Variants in RPS6KA1 observed in about 807,000 individuals in gnomAD.
RPS6KA1 encodes ribosomal protein S6 kinase alpha-1.
RPS6KA1 carries 48 observed loss-of-function variants against 91.3 expected under a neutral mutation model. That is an observed-to-expected ratio of 0.53 (90% CI 0.42 to 0.67). RPS6KA1 has a LOEUF of 0.67. Among genes scored for constraint, RPS6KA1 ranks in the 30% least tolerant of loss-of-function variants. RPS6KA1 has a pLI of 0.00. For synonymous variants in RPS6KA1, 359 were observed against 384.7 expected (o/e 0.93, Z 0.78); for missense variants, 719 against 960.5 (o/e 0.75, Z 3.32).
At chr1:26,550,565 T>C (rs1248426146) in intron 4 of RPS6KA1, among the ~76,000 whole-genome samples, 1 of 152,186 alleles carries the variant, frequency 6.6e-6, no homozygotes, top group Non-Finnish European at 1.5e-5. Context: ...GTGATCCTCC[T>C]GCCTCAGCCT....
At chr1:26,545,272 C>A (rs1255539732) in intron 2 of RPS6KA1, among the ~76,000 whole-genome samples, 1 of 151,588 alleles carries the variant, frequency 6.6e-6, no homozygotes, top group Non-Finnish European at 1.5e-5. Flanking sequence ...CAGGTTCATG[C>A]CATTCTCCTG....
chr1:26,563,326 C>G (rs1370135489), intron 17 of RPS6KA1, among the ~76,000 whole-genome samples: 1 of 151,994 alleles, frequency 6.6e-6, no homozygotes, highest in East Asian at 1.9e-4. Flanking sequence ...TCCTTGCGCT[C>G]AAATGATCCT....
rs754502526 is a variant in RPS6KA1, at chr1:26,553,430, G to A, written c.508G>A (p.Glu170Lys). Reference sequence around the variant, plus strand: ...GGAGGATGTGAAGTTTTACCTGGCTGAGCTGGCTCTGGGCCTGGATCACCT... The same window carrying A: ...GGAGGATGTGAAGTTTTACCTGGCTAAGCTGGCTCTGGGCCTGGATCACCT... ...TEEDVKFYLA[E>K]LALGLDHLHS... Residue 170 changes from glutamate (E) to lysine (K), a missense_variant, in exon 7 of 22, where the codon GAG (glutamate) becomes AAG (lysine). Glu to Lys is a moderately conservative substitution (Grantham distance 56, BLOSUM62 1). This residue lies in a region of RPS6KA1 where 159 missense variants were observed against 264.5 expected (regional missense o/e 0.60). Transcript: ENST00000374168. 3.1e-6 allele frequency: 5 copies of A among 1,612,960 alleles called. No individual in the cohort carries two copies. The highest frequency in any genetic ancestry group is 2.2e-5 in the East Asian group (1 of 44,846).
intron 17 of RPS6KA1, among the ~76,000 whole-genome samples, chr1:26,570,159 T>C (rs770202847): frequency 5.3e-5 from 8 of 151,968 alleles, no homozygotes; most frequent in Non-Finnish European, 8.8e-5. Flanking sequence ...TGAGAGGTAT[T>C]GGTAGTTGAT....
chr1:26,561,222 T>A lies in RPS6KA1; in HGVS notation c.1431+88T>A. On this transcript the variant is annotated intron_variant, in intron 16 of 21. Coordinates refer to ENST00000374168, the MANE Select transcript of RPS6KA1 (RefSeq NM_002953.4). This position sits in a 1 kb window ranked among gnomAD's most constrained non-coding sequence, Gnocchi z 5.7. ...GGATTGCCATTCCTTTGACTTCTCA[T>A]CCTCTTTCCAGTGGTCATGTGGAGG... 5 of 1,285,686 alleles carry A rather than the reference T, an allele frequency of 3.9e-6. No individual in the cohort carries two copies. Among genetic ancestry groups the A allele is most frequent in the Non-Finnish European group, 5.6e-6 (5 of 897,006 alleles). The allele number at this position is 1,285,686 out of a possible 1,614,324, so 79.6% of individuals were successfully genotyped here.
chr1:26,553,900 T>G, intron 7 of RPS6KA1: 1 of 320,408 alleles, frequency 3.1e-6, no homozygotes, highest in Non-Finnish European at 5.8e-6. Context: ...ATTCAAATCC[T>G]GTCTCCACCT....
At chr1:26,564,403 C>T (rs190266581) in intron 17 of RPS6KA1, among the ~76,000 whole-genome samples, 4 of 152,224 alleles carry the variant, frequency 2.6e-5, no homozygotes, top group Admixed American at 2.6e-4. Flanking sequence ...GGACTACAGG[C>T]GCACACCGCC....
chr1:26,569,738 C>T (rs957799719), intron 17 of RPS6KA1, among the ~76,000 whole-genome samples: 3 of 152,244 alleles, frequency 2.0e-5, no homozygotes, highest in Non-Finnish European at 4.4e-5. Flanking sequence ...ACAAAGTTCA[C>T]TTAGCATTTG....
Position 26,554,336 on chromosome 1 carries a change from AT to A in RPS6KA1, c.613+87del, listed in dbSNP as rs1031695651. On this transcript the variant is annotated intron_variant, in intron 8 of 21. Coordinates refer to ENST00000374168, the MANE Select transcript of RPS6KA1 (RefSeq NM_002953.4). The surrounding 1 kb of genome is among the most constrained non-coding windows in gnomAD (Gnocchi z 4.6). ...GGTCTCGGCTGAGTGCTGGGGGCTC[AT>A]TCTTCCCGAGAAGCCGTGCCAGTTA... is the stretch of plus-strand genomic sequence containing the variant. The A allele has an allele frequency of 7.2e-7, 1 of 1,394,128 alleles. No individual in the cohort carries two copies. Among genetic ancestry groups the A allele is most frequent in the Non-Finnish European group, 9.8e-7 (1 of 1,019,298 alleles). The allele number at this position is 1,394,128 out of a possible 1,614,324, so 86.4% of individuals were successfully genotyped here.
At position 26,573,202 on chromosome 1, in the gene RPS6KA1, C is replaced by G. The variant is rs200348817; in HGVS notation, c.1948-22C>G. 2.1e-4 allele frequency: 333 copies of G among 1,612,954 alleles called. No homozygotes were observed. The African/African-American group carries it at 4.0e-3, about 19-fold the overall frequency. ...GCTCCCCTGCAGCCCTCCCCCAACC[C>G]CCTTGCCCACTGTGTCCCCAGGACC... On this transcript the variant is annotated intron_variant, in intron 20 of 21. Transcript: ENST00000374168.
rs746752489 is a variant in RPS6KA1, at chr1:26,574,486, T to C, written c.*285T>C. 1.4e-5 allele frequency: 8 copies of C among 573,402 alleles called. 1 individual carries two copies. The highest frequency in any genetic ancestry group is 1.2e-4 in the South Asian group (8 of 67,066). The allele number at this position is 573,402 out of a possible 1,614,324, so 35.5% of individuals were successfully genotyped here. A position where few individuals can be genotyped will look rare whatever the true frequency, so the allele number is the denominator to read the frequency against. On this transcript the variant is annotated 3_prime_UTR_variant, in exon 22 of 22. Coordinates refer to ENST00000374168, the MANE Select transcript of RPS6KA1 (RefSeq NM_002953.4). The surrounding 1 kb of genome is among the most constrained non-coding windows in gnomAD (Gnocchi z 4.3). The stretch of plus-strand genomic sequence containing the variant: ...ACCATGGATTTTTACAAGATCCATT[T>C]GCCTTTCTGGGAGCAGAAACAGCCA...
Position 26,562,825 on chromosome 1 carries a change from C to CCTTTTTTTTT in RPS6KA1, c.1590+1162_1590+1163insCTTTTTTTTT. On this transcript the variant is annotated intron_variant, in intron 17 of 21. Transcript: ENST00000374168. Reference sequence around the variant, plus strand: ...ATAGACACATTTTTCTCCTATTGTCCTTTTTTTTTTTTTTTTTTTTTTTTT... The same window carrying CCTTTTTTTTT: ...ATAGACACATTTTTCTCCTATTGTCCCTTTTTTTTTTTTTTTTTTTTTTTTTTTTTTTTTT... Among the ~76,000 whole-genome samples the CCTTTTTTTTT allele has an allele frequency of 2.5e-5, 2 of 81,432 alleles. 1 individual carries two copies. Among genetic ancestry groups the CCTTTTTTTTT allele is most frequent in the Non-Finnish European group, 4.5e-5 (2 of 44,326 alleles). 53.4% of individuals were successfully genotyped at this position (81,432 alleles called of 152,430 possible).
At position 26,573,965 on chromosome 1, in the gene RPS6KA1, C is replaced by A. The variant is rs574317402; in HGVS notation, c.2086-114C>A. ...AAAAAAAAAAACAACAAAAACAAAACCAAAAAAAGTGGGCTGTGGAACACT... is the reference window on the plus strand; with the variant it reads ...AAAAAAAAAAACAACAAAAACAAAAACAAAAAAAGTGGGCTGTGGAACACT... On this transcript the variant is annotated intron_variant, in intron 21 of 21. Coordinates refer to ENST00000374168, the MANE Select transcript of RPS6KA1 (RefSeq NM_002953.4). 387 of 1,243,422 alleles carry A rather than the reference C, an allele frequency of 3.1e-4. 1 individual carries two copies. Among genetic ancestry groups the A allele is most frequent in the African/African-American group, 3.9e-4 (26 of 65,880 alleles). 77.0% of individuals were successfully genotyped at this position (1,243,422 alleles called of 1,614,324 possible).
At chr1:26,535,967 G>C (rs889005150) in intron 1 of RPS6KA1, among the ~76,000 whole-genome samples, 6 of 151,918 alleles carry the variant, frequency 3.9e-5, no homozygotes, top group African/African-American at 1.2e-4. Context: ...CCTGGCCAAC[G>C]TGGTGAAACC....
At chr1:26,541,366 G>C in intron 2 of RPS6KA1, among the ~76,000 whole-genome samples, 1 of 151,872 alleles carries the variant, frequency 6.6e-6, no homozygotes, top group East Asian at 1.9e-4. Context: ...ACCACCCTGG[G>C]CAACATGATG....
chr1:26,545,861 C>G, intron 2 of RPS6KA1: 1 of 1,540,436 alleles, frequency 6.5e-7, no homozygotes. Context: ...GCCCCGGACT[C>G]TGCCTGCTCC....
intron 2 of RPS6KA1, 150 bp from the exon 3 acceptor site, chr1:26,546,717 G>A (rs1299559196): frequency 3.5e-5 from 21 of 608,514 alleles, no homozygotes; most frequent in South Asian, 9.6e-5. Flanking sequence ...TTTTGAAATC[G>A]ATGACCCTGG....
In RPS6KA1 at chr1:26,571,360, G is replaced by C; in HGVS notation, c.1591-89G>C. 1.5e-6 allele frequency: 2 copies of C among 1,308,492 alleles called. No homozygotes were observed. The highest frequency in any genetic ancestry group is 2.2e-6 in the Non-Finnish European group (2 of 919,176). 81.1% of individuals were successfully genotyped at this position (1,308,492 alleles called of 1,614,324 possible). On this transcript the variant is annotated intron_variant, in intron 17 of 21. Coordinates refer to ENST00000374168, the MANE Select transcript of RPS6KA1 (RefSeq NM_002953.4). The surrounding 1 kb of genome is among the most constrained non-coding windows in gnomAD (Gnocchi z 5.1). ...CCATGCACCCGTCCCTCTGCACCCTGTCTGTGTAGCTTTCTAATCTCTGGC... is the reference window on the plus strand; with the variant it reads ...CCATGCACCCGTCCCTCTGCACCCTCTCTGTGTAGCTTTCTAATCTCTGGC...
Position 26,537,043 on chromosome 1 carries a change from G to A in RPS6KA1, c.108+74G>A, listed in dbSNP as rs951850836. 3 of 1,514,426 alleles carry A rather than the reference G, an allele frequency of 2.0e-6. No individual in the cohort carries two copies. In the African/African-American group the frequency reaches 4.1e-5, roughly 21 times the overall value. The allele number at this position is 1,514,426 out of a possible 1,614,324, so 93.8% of individuals were successfully genotyped here. ...TTTGCATGGCTTTGGAGGAGGTTGA[G>A]GGCTCCAGCCTCTAGCCCCTTTGCC... On this transcript the variant is annotated intron_variant, in intron 2 of 21. Transcript: ENST00000374168.
Sources: allele counts gnomAD v4.1 joint callset (sites outside exome capture counted in the v4.1 genomes callset), GRCh38; gene constraint gnomAD v4.1.1; regional missense constraint gnomAD v4.1.1; non-coding constraint Gnocchi (gnomAD v3.1); transcripts MANE v1.5; gene names NCBI Gene and HGNC (gene_info 2026-07-23, HGNC 2026-07-21).